TOGARAM2: variants seen among roughly 807,000 people sequenced by gnomAD.
TOGARAM2 encodes TOG array regulator of axonemal microtubules 2, also known as TOG array regulator of axonemal microtubules protein 2.
In TOGARAM2, 85 loss-of-function variants were observed where a neutral mutation model predicts 93.3. The observed-to-expected ratio is 0.91, with a 90% CI of 0.76 to 1.09. The LOEUF (loss-of-function observed/expected upper bound fraction) is 1.09. TOGARAM2 is among the 50% of genes least tolerant of loss of function. TOGARAM2 has a pLI of 0.00. For missense variants in TOGARAM2, 1,277 were observed against 1,334.5 expected (o/e 0.96, Z 0.67); for synonymous variants, 593 against 552.8 (o/e 1.07, Z -1.02).
chr2:28,998,304 C>G (rs1272395776), intron 3 of TOGARAM2, 51 bp downstream of exon 3: 2 of 1,356,000 alleles, frequency 1.5e-6, no homozygotes, highest in African/African-American at 1.5e-5. Context: ...CATCCTGGAG[C>G]GGGGAGTGAG....
chr2:29,027,182 G>A (rs1159665197), intron 14 of TOGARAM2, among the ~76,000 whole-genome samples, 171 bp downstream of exon 14: 5 of 152,190 alleles, frequency 3.3e-5, no homozygotes, highest in Admixed American at 6.5e-5. Context: ...ATCAAGCCAA[G>A]CCCATTCAGG....
At chr2:29,006,443 C>G (rs1315252618) in intron 6 of TOGARAM2, among the ~76,000 whole-genome samples, 2 of 138,574 alleles carry the variant, frequency 1.4e-5, no homozygotes, top group South Asian at 2.4e-4. Flanking sequence ...CATGTGTGTG[C>G]ATGTGTATCT....
At chr2:29,032,844 T>C (rs1665851341) in intron 14 of TOGARAM2, 90 bp from the exon 15 acceptor site, 6 of 1,065,282 alleles carry the variant, frequency 5.6e-6, no homozygotes, top group Non-Finnish European at 8.2e-6. Context: ...AAAAACTCTC[T>C]TTAATTAGGA....
intron 6 of TOGARAM2, among the ~76,000 whole-genome samples, chr2:29,003,926 G>A (rs761437001): frequency 4.6e-5 from 7 of 152,188 alleles, no homozygotes; most frequent in Non-Finnish European, 8.8e-5. Context: ...AATGTCTCCA[G>A]CCTCTGTCTT....
At chr2:28,968,406 T>TCCTC (rs1177569722) in intron 1 of TOGARAM2, among the ~76,000 whole-genome samples, 1 of 152,054 alleles carries the variant, frequency 6.6e-6, no homozygotes, top group African/African-American at 2.4e-5. Context: ...CCCTCTTCCC[T>TCCTC]CCTCGCTCCC....
intron 16 of TOGARAM2, among the ~76,000 whole-genome samples, chr2:29,034,190 G>T (rs1665945942): frequency 6.6e-6 from 1 of 151,874 alleles, no homozygotes; most frequent in Non-Finnish European, 1.5e-5. Context: ...CCTGACCAGA[G>T]CAGCACCTGG....
intron 4 of TOGARAM2, among the ~76,000 whole-genome samples, chr2:29,000,281 C>T (rs528648051): frequency 2.0e-5 from 3 of 152,242 alleles, no homozygotes; most frequent in East Asian, 1.9e-4. Context: ...GATTCAACAG[C>T]AGGCACTTTA....
At chr2:29,047,602 A>G (rs183419012) in intron 19 of TOGARAM2, 1 of 152,364 alleles carries the variant, frequency 6.6e-6, no homozygotes, top group African/African-American at 2.4e-5. Flanking sequence ...TGGCCCCCAG[A>G]AGGGCCTCAC....
intron 6 of TOGARAM2, among the ~76,000 whole-genome samples, chr2:29,009,431 G>A (rs1000430921): frequency 9.2e-5 from 14 of 151,786 alleles, no homozygotes; most frequent in East Asian, 1.9e-4. Context: ...GGCATGGACC[G>A]TGTAGATGGA....
At chr2:29,019,352 T>C (rs1664793710) in intron 10 of TOGARAM2, among the ~76,000 whole-genome samples, 1 of 152,100 alleles carries the variant, frequency 6.6e-6, no homozygotes, top group Non-Finnish European at 1.5e-5. Flanking sequence ...TGTATTTTAG[T>C]AGAGATGGGG....
rs1327645015 is a variant in TOGARAM2, at chr2:29,004,974, ATG to A, written c.830+1298_830+1299del. 4.4e-4 allele frequency among the ~76,000 whole-genome samples: 48 copies of A among 109,976 alleles called. 7 individuals carry two copies. The highest frequency in any genetic ancestry group is 1.8e-3 in the African/African-American group (44 of 24,962). 72.1% of individuals were successfully genotyped at this position (109,976 alleles called of 152,430 possible). ...TGTGCATGTGTATGTGTGTGAGTGC[ATG>A]TGTGTATGTGTGTGAGTGCATGTGT... On this transcript the variant is annotated intron_variant, in intron 6 of 19. Coordinates refer to ENST00000379558, the MANE Select transcript of TOGARAM2 (RefSeq NM_199280.4).
At chr2:29,001,374 G>C (rs535360327) in intron 4 of TOGARAM2, among the ~76,000 whole-genome samples, 1 of 151,380 alleles carries the variant, frequency 6.6e-6, no homozygotes, top group Non-Finnish European at 1.5e-5. Context: ...ACAGAGTCTC[G>C]CTCTGTCACC....
chr2:28,977,173 C>A (rs1373687155), upstream of TOGARAM2, among the ~76,000 whole-genome samples: 2 of 152,206 alleles, frequency 1.3e-5, no homozygotes, highest in Non-Finnish European at 2.9e-5. Flanking sequence ...AGGGCAGGGA[C>A]TTGTTGGAGG....
chr2:29,019,978 A>G (rs1664831630), intron 10 of TOGARAM2, among the ~76,000 whole-genome samples: 1 of 152,256 alleles, frequency 6.6e-6, no homozygotes, highest in Non-Finnish European at 1.5e-5. Flanking sequence ...AGGCAAATTT[A>G]CTTCCGCAGA....
rs764246949 is a variant in TOGARAM2, at chr2:29,032,929, G to A, written c.2013-5G>A. 15 of 1,612,148 alleles carry A rather than the reference G, an allele frequency of 9.3e-6. No homozygotes were observed. Among genetic ancestry groups the A allele is most frequent in the Non-Finnish European group, 1.3e-5 (15 of 1,178,978 alleles). ...TTCTTTATCTTGCTCTCTCTCCTGTGGCAGATTTTATGGCCGGAAGATGGT... is the reference window on the plus strand; with the variant it reads ...TTCTTTATCTTGCTCTCTCTCCTGTAGCAGATTTTATGGCCGGAAGATGGT... On this transcript the variant is annotated splice_region_variant and splice_polypyrimidine_tract_variant and intron_variant, in intron 14 of 19. Transcript: ENST00000379558.
intron 1 of TOGARAM2, among the ~76,000 whole-genome samples, chr2:28,988,136 G>C (rs1169918113): frequency 2.6e-5 from 4 of 152,216 alleles, no homozygotes; most frequent in Non-Finnish European, 4.4e-5. Flanking sequence ...CTCTACGGTA[G>C]GCTTGGAAGT....
At chr2:29,032,808 T>G in intron 14 of TOGARAM2, 126 bp from the exon 15 acceptor site, 1 of 705,816 alleles carries the variant, frequency 1.4e-6, no homozygotes, top group South Asian at 2.0e-5. Context: ...TGGGTAGGGA[T>G]TGCTTTTGTA....
At chr2:29,017,762 C>T in intron 9 of TOGARAM2, 30 bp from the exon 10 acceptor site, 2 of 1,568,142 alleles carry the variant, frequency 1.3e-6, no homozygotes, top group South Asian at 2.3e-5. Flanking sequence ...ACAGACCTGC[C>T]TAGTCCTAGG....
At position 29,011,767 on chromosome 2, in the gene TOGARAM2, C is replaced by T. The variant is rs538787189; in HGVS notation, c.877+266C>T. Among the ~76,000 whole-genome samples, 5 of 152,286 alleles carry T rather than the reference C, an allele frequency of 3.3e-5. No homozygotes were observed. The East Asian group carries it at 9.7e-4, about 29-fold the overall frequency. The stretch of plus-strand genomic sequence containing the variant: ...GTACACCAGCTTGTGCAGCTTGCCA[C>T]GGCCTCGATAAGAGAGACAATTCTG... On this transcript the variant is annotated intron_variant, in intron 7 of 19. Coordinates refer to ENST00000379558, the MANE Select transcript of TOGARAM2 (RefSeq NM_199280.4).
Sources: allele counts gnomAD v4.1 joint callset (sites outside exome capture counted in the v4.1 genomes callset), GRCh38; gene constraint gnomAD v4.1.1; transcripts MANE v1.5; gene names NCBI Gene and HGNC (gene_info 2026-07-23, HGNC 2026-07-21).